Variants in SGCZ observed in about 807,000 individuals in gnomAD.
SGCZ encodes the protein zeta-sarcoglycan.
SGCZ carries 40 observed loss-of-function variants against 41.3 expected under a neutral mutation model. That is an observed-to-expected ratio of 0.97 (90% CI 0.75 to 1.26). The LOEUF is 1.26. Ranked by LOEUF, SGCZ falls within the 50% of genes most tolerant of loss-of-function variation. The pLI is 0.00. For synonymous variants in SGCZ, 206 were observed against 137.5 expected (o/e 1.50, Z -3.49); for missense variants, 552 against 369.8 (o/e 1.49, Z -4.04).
intron 2 of SGCZ, among the ~76,000 whole-genome samples, chr8:14,502,794 G>C (rs1802193128): frequency 6.6e-6 from 1 of 152,132 alleles, no homozygotes. Context: ...AAAAAGTCAA[G>C]AAAGAACAGA....
At chr8:15,078,793 C>T (rs540655978) in intron 1 of SGCZ, among the ~76,000 whole-genome samples, 12 of 151,960 alleles carry the variant, frequency 7.9e-5, no homozygotes, top group African/African-American at 2.9e-4. Context: ...TCTGGATTTC[C>T]TCTGAGAATT....
chr8:14,375,348 G>C (rs1005839090), intron 2 of SGCZ, among the ~76,000 whole-genome samples: 2 of 152,090 alleles, frequency 1.3e-5, no homozygotes, highest in Non-Finnish European at 2.9e-5. Context: ...ACACCACTCT[G>C]AGTATAAGAA....
chr8:14,683,376 C>T lies in SGCZ; in HGVS notation c.40-128450G>A, dbSNP rs567337118. 5.3e-5 allele frequency among the ~76,000 whole-genome samples: 8 copies of T among 151,822 alleles called. No homozygotes were observed. The East Asian group carries it at 1.6e-3, about 29-fold the overall frequency. ...GAAATTTCAGAACTACAAAAACATT[C>T]AGAAGCAATATATAAAAAAAGAATT... On this transcript the variant is annotated intron_variant, in intron 1 of 7. Coordinates refer to ENST00000382080, the MANE Select transcript of SGCZ (RefSeq NM_139167.4).
intron 2 of SGCZ, among the ~76,000 whole-genome samples, chr8:14,370,674 T>C (rs1247444403): frequency 1.3e-5 from 2 of 151,922 alleles, no homozygotes; most frequent in African/African-American, 2.4e-5. Context: ...GAAAAGCATC[T>C]TGGAAGCTAT....
At chr8:15,013,782 T>C (rs551671592) in intron 1 of SGCZ, among the ~76,000 whole-genome samples, 7 of 152,272 alleles carry the variant, frequency 4.6e-5, no homozygotes, top group South Asian at 2.1e-4. Context: ...ATAGTAGTTA[T>C]AATTAAGAAA....
At chr8:14,517,782 T>C (rs567932809) in intron 2 of SGCZ, among the ~76,000 whole-genome samples, 43 of 151,922 alleles carry the variant, frequency 2.8e-4, no homozygotes, top group Admixed American at 2.3e-3. Flanking sequence ...CATGATATAA[T>C]TTTTGATAGC....
chr8:15,177,583 C>A (rs1158866828), intron 1 of SGCZ, among the ~76,000 whole-genome samples: 1 of 151,932 alleles, frequency 6.6e-6, no homozygotes, highest in African/African-American at 2.4e-5. Context: ...TGTTGATAGG[C>A]CCATAGACTG....
At chr8:14,163,151 C>T (rs949658657) in intron 5 of SGCZ, among the ~76,000 whole-genome samples, 2 of 152,196 alleles carry the variant, frequency 1.3e-5, no homozygotes, top group Non-Finnish European at 2.9e-5. Context: ...GCATGAGCCA[C>T]TATGTCCAGC....
At chr8:14,345,381 A>T (rs1469023639) in intron 2 of SGCZ, among the ~76,000 whole-genome samples, 1 of 152,120 alleles carries the variant, frequency 6.6e-6, no homozygotes, top group Non-Finnish European at 1.5e-5. Context: ...AAATTCTGGG[A>T]TATATGTATG....
intron 1 of SGCZ, among the ~76,000 whole-genome samples, chr8:14,756,494 A>T (rs998816704): frequency 1.3e-5 from 2 of 152,146 alleles, no homozygotes; most frequent in Middle Eastern, 6.8e-3. Context: ...GGGAAGTAAC[A>T]ATTTTTGTTT....
intron 2 of SGCZ, chr8:14,487,884 T>A (rs2117020506): frequency 6.6e-6 from 1 of 152,304 alleles, no homozygotes; most frequent in African/African-American, 2.4e-5. Flanking sequence ...GTGAGCGTCT[T>A]AAGGACTGGC....
chr8:15,222,064 T>C (rs936005871), intron 1 of SGCZ, among the ~76,000 whole-genome samples: 2 of 152,210 alleles, frequency 1.3e-5, no homozygotes, highest in Admixed American at 6.5e-5. Context: ...TTACGTAACA[T>C]TTTCAAAATT....
chr8:14,382,162 G>A (rs1450626450), intron 2 of SGCZ, among the ~76,000 whole-genome samples: 3 of 151,608 alleles, frequency 2.0e-5, no homozygotes, highest in African/African-American at 7.3e-5. Context: ...AATTTTTTCT[G>A]CTAAACCAGT....
At chr8:14,102,050 G>C (rs967609641) in intron 7 of SGCZ, among the ~76,000 whole-genome samples, 1 of 148,260 alleles carries the variant, frequency 6.7e-6, no homozygotes, top group African/African-American at 2.5e-5. Flanking sequence ...GGGACTACAG[G>C]TGCCTGCCAC....
At chr8:14,180,109 T>C (rs1014456892) in intron 4 of SGCZ, among the ~76,000 whole-genome samples, 5 of 152,076 alleles carry the variant, frequency 3.3e-5, no homozygotes, top group African/African-American at 9.7e-5. Flanking sequence ...AATCCCACCA[T>C]ACAGTCTTAG....
intron 1 of SGCZ, among the ~76,000 whole-genome samples, chr8:14,596,443 A>T (rs1021784338): frequency 2.6e-5 from 4 of 152,214 alleles, no homozygotes; most frequent in African/African-American, 9.6e-5. Context: ...GATAATTAGC[A>T]TTTTGACATA....
Position 14,090,062 on chromosome 8 carries a change from C to A in SGCZ, c.*381G>T, listed in dbSNP as rs1279108955. 3 of 158,120 alleles carry A rather than the reference C, an allele frequency of 1.9e-5. No homozygotes were observed. The allele number at this position is 158,120 out of a possible 1,614,324, so 9.8% of individuals were successfully genotyped here. On this transcript the variant is annotated 3_prime_UTR_variant, in exon 8 of 8. Coordinates refer to ENST00000382080, the MANE Select transcript of SGCZ (RefSeq NM_139167.4). ...AGTTTTCTTACAGGGTTAACCATTT[C>A]ATCTTGCCATTGGATACTGGGAATT... is the stretch of plus-strand genomic sequence containing the variant.
chr8:14,643,197 A>G (rs1050937208), intron 1 of SGCZ, among the ~76,000 whole-genome samples: 1 of 151,644 alleles, frequency 6.6e-6, no homozygotes, highest in Non-Finnish European at 1.5e-5. Flanking sequence ...CCTGATTGGC[A>G]TCACTGAACA....
chr8:14,560,171 A>T (rs1804164958), intron 1 of SGCZ, among the ~76,000 whole-genome samples: 1 of 152,046 alleles, frequency 6.6e-6, no homozygotes, highest in African/African-American at 2.4e-5. Flanking sequence ...GTTAACAATA[A>T]TTTATTGCAC....
Sources: gnomAD v4.1 joint callset for allele counts (sites outside exome capture counted in the v4.1 genomes callset) on GRCh38, gnomAD v4.1.1 for gene constraint, MANE v1.5 for transcripts, NCBI Gene and HGNC (gene_info 2026-07-23, HGNC 2026-07-21) for gene names.